KIF3A: variants seen among roughly 807,000 people sequenced by gnomAD.
The protein encoded by KIF3A is kinesin-like protein KIF3A.
In KIF3A, 27 loss-of-function variants were observed where a neutral mutation model predicts 92.6. The ratio of observed to expected loss-of-function variants is 0.29; its 90% CI spans 0.21 to 0.40. The LOEUF is 0.40. Ranked by LOEUF, KIF3A falls within the 10% of genes least tolerant of loss-of-function variation. The pLI is 1.00. For synonymous variants in KIF3A, 250 were observed against 275.4 expected, an observed-to-expected ratio of 0.91 and a Z score of 0.92; for missense variants, 581 against 872.6, an observed-to-expected ratio of 0.67 and a Z score of 4.21.
Position 132,724,807 on chromosome 5 carries a change from A to AAAAT in KIF3A, c.510+1320_510+1321insATTT, listed in dbSNP as rs1554107349. Among the ~76,000 whole-genome samples the AAAAT allele has an allele frequency of 8.3e-4, 25 of 30,100 alleles. 2 individuals are homozygous for AAAAT. Among genetic ancestry groups the AAAAT allele is most frequent in the African/African-American group, 2.4e-3 (21 of 8,840 alleles). The allele number at this position is 30,100 out of a possible 152,430, so 19.7% of individuals were successfully genotyped here. ...TAAAGTATAATAAAAAAAAAAAAAA[A>AAAAT]TATATATATATATATATATATATAT... On this transcript the variant is annotated intron_variant, in intron 4 of 18. Coordinates refer to ENST00000403231, the MANE Select transcript of KIF3A (RefSeq NM_001300791.2).
At chr5:132,727,827 C>T (rs551217772) in intron 2 of KIF3A, among the ~76,000 whole-genome samples, 7 of 152,086 alleles carry the variant, frequency 4.6e-5, no homozygotes, top group African/African-American at 1.7e-4. Context: ...GAAAAGATAG[C>T]CTTGGATGTG....
At chr5:132,730,186 G>A (rs2149920553) in intron 2 of KIF3A, among the ~76,000 whole-genome samples, 1 of 152,284 alleles carries the variant, frequency 6.6e-6, no homozygotes, top group South Asian at 2.1e-4. Flanking sequence ...GAAAAAACTG[G>A]CTGGGCACGG....
chr5:132,717,327 G>A (rs1753660422), intron 5 of KIF3A, among the ~76,000 whole-genome samples: 1 of 152,124 alleles, frequency 6.6e-6, no homozygotes, highest in East Asian at 1.9e-4. Flanking sequence ...AAGTATGCAT[G>A]CTGGTGTACT....
In KIF3A at chr5:132,720,616, G is replaced by C. The variant is rs774428007; in HGVS notation, c.609C>G (p.His203Gln). ...DDMDRIMTLG[H>Q]KNRSVGATNM... The stretch of plus-strand genomic sequence containing the variant: ...ATTACACACTATACTTACGATTTTT[G>C]TGGCCTAGCGTCATAATTCTATCCA... The change falls in exon 5 of 19, where the codon CAC becomes CAG. Residue 203 changes from histidine (H) to glutamine (Q), a missense_variant. His to Gln is a conservative substitution (Grantham distance 24). This residue lies in a region of KIF3A where 217 missense variants were observed against 299.7 expected (regional missense o/e 0.72). Coordinates refer to ENST00000403231, the MANE Select transcript of KIF3A (RefSeq NM_001300791.2). The C allele has an allele frequency of 6.3e-7, 1 of 1,597,072 alleles. No homozygotes were observed. Among genetic ancestry groups the C allele is most frequent in the East Asian group, 2.2e-5 (1 of 44,718 alleles).
chr5:132,732,378 C>T (rs907790902), intron 2 of KIF3A, among the ~76,000 whole-genome samples: 14 of 152,300 alleles, frequency 9.2e-5, no homozygotes, highest in Non-Finnish European at 1.8e-4. Flanking sequence ...TTCAAAGTAA[C>T]ATTATCTGTA....
At chr5:132,713,550 T>C (rs1007231174) in intron 8 of KIF3A, among the ~76,000 whole-genome samples, 13 of 152,146 alleles carry the variant, frequency 8.5e-5, no homozygotes, top group African/African-American at 2.2e-4. Flanking sequence ...AGAAATGTCA[T>C]AAGAGCAAAA....
chr5:132,726,657 G>A (rs750749429), intron 2 of KIF3A, among the ~76,000 whole-genome samples, 159 bp from the exon 3 acceptor site: 8 of 152,022 alleles, frequency 5.3e-5, no homozygotes, highest in African/African-American at 9.7e-5. Flanking sequence ...ATTACAATGC[G>A]TACTCTGTAC....
intron 14 of KIF3A, 131 bp downstream of exon 14, chr5:132,702,427 G>A (rs998909440): frequency 2.6e-5 from 17 of 657,560 alleles, no homozygotes; most frequent in African/African-American, 3.7e-5. Context: ...ATTAAAAATT[G>A]CACATAAAGA....
intron 9 of KIF3A, among the ~76,000 whole-genome samples, chr5:132,709,906 A>G (rs1397214825): frequency 6.6e-6 from 1 of 152,230 alleles, no homozygotes; most frequent in Non-Finnish European, 1.5e-5. Context: ...TTGAAGTTAC[A>G]AAATCTTTAT....
intron 8 of KIF3A, 64 bp downstream of exon 8, chr5:132,715,693 C>T (rs956599420): frequency 1.6e-6 from 2 of 1,248,564 alleles, no homozygotes; most frequent in Non-Finnish European, 2.3e-6. Flanking sequence ...TTTGTTAGAA[C>T]AGTTAGTGGT....
At position 132,734,476 on chromosome 5, in the gene KIF3A, G is replaced by T. The variant is rs1391487633; in HGVS notation, c.9C>A (p.Ile3=). The T allele has an allele frequency of 1.2e-6, 2 of 1,607,944 alleles. No homozygotes were observed. The highest frequency in any genetic ancestry group is 2.2e-5 in the East Asian group (1 of 44,850). ...AGCTTTCTGGCTTCTCTGATTTATT[G>T]ATCTGTTGGAGATAATATTTACAAA... The part of the protein sequence containing the change: MP[I]NKSEKPESCD... Residue 3 remains isoleucine, a splice_region_variant and synonymous_variant, in exon 2 of 19, where the codon ATC becomes ATA. Transcript: ENST00000403231.
chr5:132,704,455 T>A (rs189458832), intron 11 of KIF3A, among the ~76,000 whole-genome samples: 1 of 151,942 alleles, frequency 6.6e-6, no homozygotes, highest in Non-Finnish European at 1.5e-5. Flanking sequence ...CAATTGATTA[T>A]TTTTGCTAAT....
downstream of KIF3A, among the ~76,000 whole-genome samples, chr5:132,691,984 TAATTA>T (rs1752678455): frequency 4.7e-5 from 7 of 150,362 alleles, no homozygotes; most frequent in South Asian, 2.1e-4. Flanking sequence ...AAATAAAATT[TAATTA>T]AAAAAAAAGT....
At chr5:132,717,143 T>A (rs1561702859) in intron 5 of KIF3A, among the ~76,000 whole-genome samples, 159 bp from the exon 6 acceptor site, 1 of 152,224 alleles carries the variant, frequency 6.6e-6, no homozygotes, top group Non-Finnish European at 1.5e-5. Context: ...AGCCACTACA[T>A]GAAATTTCTC....
intron 2 of KIF3A, 55 bp downstream of exon 2, chr5:132,734,150 G>A (rs1239355780): frequency 2.2e-6 from 3 of 1,347,594 alleles, no homozygotes; most frequent in Non-Finnish European, 2.1e-6. Context: ...TGAATTTATG[G>A]CACAGTAATT....
At chr5:132,699,071 T>C (rs1752935581) in intron 18 of KIF3A, 100 bp downstream of exon 18, 14 of 1,187,078 alleles carry the variant, frequency 1.2e-5, no homozygotes, top group Non-Finnish European at 9.7e-6. Context: ...AGCCAAAATA[T>C]GTATCATGTT....
chr5:132,718,008 TAAAAGCATACA>T (rs1185076189), intron 5 of KIF3A, among the ~76,000 whole-genome samples: 1 of 152,166 alleles, frequency 6.6e-6, no homozygotes, highest in African/African-American at 2.4e-5. Flanking sequence ...GTTTTTTTAA[TAAAAGCATACA>T]GAAAGCATAA....
At chr5:132,723,381 A>T in intron 4 of KIF3A, 1 of 152,198 alleles carries the variant, frequency 6.6e-6, no homozygotes, top group East Asian at 1.9e-4. Flanking sequence ...GAGGCATCAC[A>T]CTACCTGACT....
At chr5:132,691,504 G>A (rs1190978385), downstream of KIF3A, among the ~76,000 whole-genome samples, 1 of 151,540 alleles carries the variant, frequency 6.6e-6, no homozygotes, top group African/African-American at 2.4e-5. Context: ...CTGAGATCGT[G>A]CCATTGCACT....
Sources: allele counts gnomAD v4.1 joint callset (sites outside exome capture counted in the v4.1 genomes callset), GRCh38; gene constraint gnomAD v4.1.1; regional missense constraint gnomAD v4.1.1; transcripts MANE v1.5; gene names NCBI Gene and HGNC (gene_info 2026-07-23, HGNC 2026-07-21).